The following ZMYND15 variants were observed in gnomAD, a reference collection of about 807,000 sequenced individuals.
The protein encoded by ZMYND15 is zinc finger MYND domain-containing protein 15.
ZMYND15 carries 54 observed loss-of-function variants against 81.7 expected under a neutral mutation model. That is an observed-to-expected ratio of 0.66 (90% CI 0.53 to 0.83). ZMYND15 has a LOEUF of 0.83. ZMYND15 is among the 40% of genes least tolerant of loss of function. The pLI is 0.00. For synonymous variants in ZMYND15, 399 were observed against 387.0 expected (o/e 1.03, Z -0.36); for missense variants, 925 against 973.5 (o/e 0.95, Z 0.66).
At position 4,744,653 on chromosome 17, in the gene ZMYND15, G is replaced by A. The variant is rs1289012395; in HGVS notation, c.1712G>A (p.Gly571Asp). The change falls in exon 11 of 14, where the codon GGT becomes GAT. Residue 571 changes from glycine to aspartate, a missense_variant. By Grantham distance (94) the Gly-to-Asp change is moderately conservative (BLOSUM62 -1). Coordinates refer to ENST00000433935, the MANE Select transcript of ZMYND15 (RefSeq NM_001136046.3). The surrounding 1 kb of genome is among the most constrained non-coding windows in gnomAD (Gnocchi z 4.1). ...AGCCTGGAGGTGTCTGTCCGGCCTG[G>A]TTCCGGCATATCAGCACGGCCCAGC... is the stretch of plus-strand genomic sequence containing the variant. ...RDSLEVSVRPGSGISARPSSG... is the reference protein window; with the variant it reads ...RDSLEVSVRPDSGISARPSSG... 6.2e-7 allele frequency: 1 copy of A among 1,613,248 alleles called. No individual in the cohort carries two copies. Among genetic ancestry groups the A allele is most frequent in the South Asian group, 1.1e-5 (1 of 91,040 alleles).
chr17:4,743,752 C>T lies in ZMYND15; in HGVS notation c.1298-15C>T. On this transcript the variant is annotated splice_polypyrimidine_tract_variant and intron_variant, in intron 6 of 13. Transcript: ENST00000433935. This position sits in a 1 kb window ranked among gnomAD's most constrained non-coding sequence, Gnocchi z 4.3. ...TCTCCCTGACCCCAGGCCCCTCCTT[C>T]TTTCATCCTCTCAGGAGACCCCTAC... 6.2e-7 allele frequency: 1 copy of T among 1,611,278 alleles called. No individual in the cohort carries two copies. The highest frequency in any genetic ancestry group is 8.5e-7 in the Non-Finnish European group (1 of 1,178,768).
rs750731082 is a variant in ZMYND15 at position 4,740,974 on chromosome 17, G to C, written c.426G>C (p.Glu142Asp). The change falls in exon 2 of 14, where the codon GAG becomes GAC. Residue 142 changes from glutamate (E) to aspartate (D), a missense_variant. By Grantham distance (45) the Glu-to-Asp change is conservative (BLOSUM62 2). Coordinates refer to ENST00000433935, the MANE Select transcript of ZMYND15 (RefSeq NM_001136046.3). ...GAGSTEKVEP[E>D]EDRELAPTSR... ...GCAGCACAGAGAAGGTGGAACCAGA[G>C]GAGGACCGGGAGCTAGCCCCTACCA... 6.4e-7 allele frequency: 1 copy of C among 1,564,492 alleles called. No individual in the cohort carries two copies. Among genetic ancestry groups the C allele is most frequent in the African/African-American group, 1.4e-5 (1 of 73,778 alleles).
rs752470020 is a variant in ZMYND15, at chr17:4,741,815, C to T, written c.826C>T (p.Arg276Ter). 6 of 1,573,426 alleles carry T rather than the reference C, an allele frequency of 3.8e-6. No homozygotes were observed. Among genetic ancestry groups the T allele is most frequent in the Non-Finnish European group, 4.3e-6 (5 of 1,158,174 alleles). Residue 276 changes from arginine (R) to a stop codon, truncating the protein, a stop_gained and splice_region_variant, in exon 3 of 14, where the codon CGA becomes TGA. Transcript: ENST00000433935. LOFTEE classifies it high-confidence loss of function. ...TACTGTGGGAGATGCCCGGCTGCATCGGTATAGAAATCTGGTATCTGAGGC... is the reference window on the plus strand; with the variant it reads ...TACTGTGGGAGATGCCCGGCTGCATTGGTATAGAAATCTGGTATCTGAGGC... ...QLTVGDARLHRELESLVPRLG... is the reference protein window; with the variant it reads ...QLTVGDARLH
In ZMYND15 at chr17:4,745,986, A is replaced by G; in HGVS notation, c.2225A>G (p.Lys742Arg). The G allele has an allele frequency of 6.9e-7, 1 of 1,441,794 alleles. No individual in the cohort carries two copies. The highest frequency in any genetic ancestry group is 9.1e-7 in the Non-Finnish European group (1 of 1,102,204). 89.3% of individuals were successfully genotyped at this position (1,441,794 alleles called of 1,614,324 possible). ...CCTGGGCGGGGGGCCCGCCGGCGGA[A>G]ATGAATGCTGATACCCTAGTAGTCC... ...KKPGRGARRR[K>R] The change falls in exon 14 of 14, where the codon AAA becomes AGA. Residue 742 changes from lysine to arginine, a missense_variant. Physicochemically the swap from Lys to Arg is conservative, Grantham distance 26. Transcript: ENST00000433935. This position sits in a 1 kb window ranked among gnomAD's most constrained non-coding sequence, Gnocchi z 5.2.
In ZMYND15 at chr17:4,743,630, A is replaced by C; in HGVS notation, c.1298-137A>C. ...AATCACCCCTACCAACTCCACCCAG[A>C]AACCCCATCCCTATGCAAACCCCCA... On this transcript the variant is annotated intron_variant, in intron 6 of 13. Coordinates refer to ENST00000433935, the MANE Select transcript of ZMYND15 (RefSeq NM_001136046.3). The surrounding 1 kb of genome is among the most constrained non-coding windows in gnomAD (Gnocchi z 4.3). 1 of 1,272,780 alleles carries C rather than the reference A, an allele frequency of 7.9e-7. No individual in the cohort carries two copies. Among genetic ancestry groups the C allele is most frequent in the Non-Finnish European group, 1.1e-6 (1 of 929,458 alleles). 78.8% of individuals were successfully genotyped at this position (1,272,780 alleles called of 1,614,324 possible).
At chr17:4,742,943 G>A (rs1371084891) in intron 5 of ZMYND15, among the ~76,000 whole-genome samples, 3 of 152,176 alleles carry the variant, frequency 2.0e-5, no homozygotes, top group East Asian at 1.9e-4. Flanking sequence ...GGGTCCTCGC[G>A]GGAGGCTAGG....
At position 4,740,999 on chromosome 17, in the gene ZMYND15, A is replaced by G; in HGVS notation, c.451A>G (p.Ser151Gly). The change falls in exon 2 of 14, where the codon AGC becomes GGC. Residue 151 changes from serine (S) to glycine (G), a missense_variant. Coordinates refer to ENST00000433935, the MANE Select transcript of ZMYND15 (RefSeq NM_001136046.3). The stretch of plus-strand genomic sequence containing the variant: ...GGAGGACCGGGAGCTAGCCCCTACC[A>G]GCAGGGAGTCCCCCCAGGAAACAAA... ...PEEDRELAPT[S>G]RESPQETNPP... 6.4e-7 allele frequency: 1 copy of G among 1,557,360 alleles called. No individual in the cohort carries two copies. Among genetic ancestry groups the G allele is most frequent in the African/African-American group, 1.4e-5 (1 of 73,548 alleles).
chr17:4,744,684 C>A lies in ZMYND15; in HGVS notation c.1743C>A (p.Gly581=). The change falls in exon 11 of 14, where the codon GGC becomes GGA. Residue 581 remains glycine, a synonymous_variant. Transcript: ENST00000433935. This position sits in a 1 kb window ranked among gnomAD's most constrained non-coding sequence, Gnocchi z 4.1. ...GSGISARPSS[G]TKEKGGRRDL... ...GCATATCAGCACGGCCCAGCTCTGG[C>A]ACTAAGGAGAAAGGGGGCCGCAGGG... 2 of 1,613,952 alleles carry A rather than the reference C, an allele frequency of 1.2e-6. No individual in the cohort carries two copies. The highest frequency in any genetic ancestry group is 2.7e-5 in the African/African-American group (2 of 75,030).
In ZMYND15 at chr17:4,743,823, C is replaced by T. The variant is rs140123427; in HGVS notation, c.1354C>T (p.Pro452Ser). The T allele has an allele frequency of 6.2e-7, 1 of 1,614,036 alleles. No homozygotes were observed. Among genetic ancestry groups the T allele is most frequent in the Non-Finnish European group, 8.5e-7 (1 of 1,179,988 alleles). ...DGTALMPPVP[P>S]HPPRGVFGSW... ...GACTGCCCTGATGCCTCCTGTGCCC[C>T]CACATCCACCCCGGGGTGTTTTTGG... Residue 452 changes from proline (P) to serine (S), a missense_variant, in exon 7 of 14, where the codon CCA becomes TCA. Pro to Ser is a moderately conservative substitution (Grantham distance 74). Coordinates refer to ENST00000433935, the MANE Select transcript of ZMYND15 (RefSeq NM_001136046.3). The surrounding 1 kb of genome is among the most constrained non-coding windows in gnomAD (Gnocchi z 4.3).
rs1916579293 is a variant in ZMYND15 at position 4,744,553 on chromosome 17, C to T, written c.1684-72C>T. On this transcript the variant is annotated intron_variant, in intron 10 of 13. Coordinates refer to ENST00000433935, the MANE Select transcript of ZMYND15 (RefSeq NM_001136046.3). The surrounding 1 kb of genome is among the most constrained non-coding windows in gnomAD (Gnocchi z 4.1). ...TCCTGCCCTTCTGCCCCCCACTCCC[C>T]ATCTTGCCTGGTGCATCCTCCAGTT... The T allele has an allele frequency of 2.5e-6, 4 of 1,602,346 alleles. No individual in the cohort carries two copies. The highest frequency in any genetic ancestry group is 1.1e-5 in the South Asian group (1 of 90,032).
At position 4,743,834 on chromosome 17, in the gene ZMYND15, C is replaced by T. The variant is rs756843088; in HGVS notation, c.1365C>T (p.Pro455=). ...ALMPPVPPHP[P]RGVFGSWQDY... is the part of the protein sequence containing the mutation. ...TGCCTCCTGTGCCCCCACATCCACC[C>T]CGGGGTGTTTTTGGTGAGCTGGAGG... The change falls in exon 7 of 14, where the codon CCC becomes CCT. Residue 455 remains proline, a synonymous_variant. Coordinates refer to ENST00000433935, the MANE Select transcript of ZMYND15 (RefSeq NM_001136046.3). This position sits in a 1 kb window ranked among gnomAD's most constrained non-coding sequence, Gnocchi z 4.3. 6.2e-7 allele frequency: 1 copy of T among 1,613,996 alleles called. No homozygotes were observed. The highest frequency in any genetic ancestry group is 8.5e-7 in the Non-Finnish European group (1 of 1,179,984).
Position 4,743,626 on chromosome 17 carries a change from C to A in ZMYND15, c.1298-141C>A. On this transcript the variant is annotated intron_variant, in intron 6 of 13. Coordinates refer to ENST00000433935, the MANE Select transcript of ZMYND15 (RefSeq NM_001136046.3). This position sits in a 1 kb window ranked among gnomAD's most constrained non-coding sequence, Gnocchi z 4.3. ...ATGGAATCACCCCTACCAACTCCACCCAGAAACCCCATCCCTATGCAAACC... is the reference window on the plus strand; with the variant it reads ...ATGGAATCACCCCTACCAACTCCACACAGAAACCCCATCCCTATGCAAACC... 7.9e-7 allele frequency: 1 copy of A among 1,265,352 alleles called. No individual in the cohort carries two copies. Among genetic ancestry groups the A allele is most frequent in the East Asian group, 2.5e-5 (1 of 40,706 alleles). The allele number at this position is 1,265,352 out of a possible 1,614,324, so 78.4% of individuals were successfully genotyped here.
Position 4,743,908 on chromosome 17 carries a change from T to C in ZMYND15, c.1378+61T>C, listed in dbSNP as rs1414274267. The C allele has an allele frequency of 1.3e-6, 2 of 1,594,908 alleles. No individual in the cohort carries two copies. The highest frequency in any genetic ancestry group is 1.7e-6 in the Non-Finnish European group (2 of 1,168,368). Reference sequence around the variant, plus strand: ...GGCCAGGGACTGGAGAACCAGAGCCTGGGTGGCTGTGAAGAAGAGGTTTGT... The same window carrying C: ...GGCCAGGGACTGGAGAACCAGAGCCCGGGTGGCTGTGAAGAAGAGGTTTGT... On this transcript the variant is annotated intron_variant, in intron 7 of 13. Transcript: ENST00000433935. The surrounding 1 kb of genome is among the most constrained non-coding windows in gnomAD (Gnocchi z 4.3).
chr17:4,743,352 C>A lies in ZMYND15; in HGVS notation c.1194C>A (p.Gly398=). ...AAGAGGCCTTCCTGGCCTCTCGGGG[C>A]CTCACTCGTGGCTATTGGACCCAGC... The part of the protein sequence containing the change: ...FNKEAFLASR[G]LTRGYWTQLS... Residue 398 remains glycine (G), a synonymous_variant, in exon 6 of 14, where the codon GGC becomes GGA. Transcript: ENST00000433935. This position sits in a 1 kb window ranked among gnomAD's most constrained non-coding sequence, Gnocchi z 4.3. 1 of 1,614,130 alleles carries A rather than the reference C, an allele frequency of 6.2e-7. No homozygotes were observed. The highest frequency in any genetic ancestry group is 8.5e-7 in the Non-Finnish European group (1 of 1,180,020).
In ZMYND15 at chr17:4,744,883, G is replaced by C; in HGVS notation, c.1851G>C (p.Gly617=). 6.2e-7 allele frequency: 1 copy of C among 1,614,124 alleles called. No homozygotes were observed. The highest frequency in any genetic ancestry group is 8.5e-7 in the Non-Finnish European group (1 of 1,180,010). The stretch of plus-strand genomic sequence containing the variant: ...CTCTGTCTGCAGGATTTAACTCCGG[G>C]TTTGCTCTCAAGGATACGTGGCTGA... ...KPDLVIGFNS[G]FALKDTWLRS... is the part of the protein sequence containing the mutation. The change falls in exon 12 of 14, where the codon GGG becomes GGC. Residue 617 remains glycine, a synonymous_variant. Coordinates refer to ENST00000433935, the MANE Select transcript of ZMYND15 (RefSeq NM_001136046.3). The surrounding 1 kb of genome is among the most constrained non-coding windows in gnomAD (Gnocchi z 4.1).
rs1260292978 is a variant in ZMYND15 at position 4,744,537 on chromosome 17, T to C, written c.1683+70T>C. On this transcript the variant is annotated intron_variant, in intron 10 of 13. Coordinates refer to ENST00000433935, the MANE Select transcript of ZMYND15 (RefSeq NM_001136046.3). The surrounding 1 kb of genome is among the most constrained non-coding windows in gnomAD (Gnocchi z 4.1). ...TGACCTCCTGGTTGGGTCCTGCCCT[T>C]CTGCCCCCCACTCCCCATCTTGCCT... 1 of 1,605,308 alleles carries C rather than the reference T, an allele frequency of 6.2e-7. No individual in the cohort carries two copies. Among genetic ancestry groups the C allele is most frequent in the Non-Finnish European group, 8.5e-7 (1 of 1,174,656 alleles).
intron 2 of ZMYND15, 67 bp from the exon 3 acceptor site, chr17:4,741,515 C>G: frequency 6.4e-7 from 1 of 1,570,522 alleles, no homozygotes; most frequent in Non-Finnish European, 8.7e-7. Flanking sequence ...GAGTTTGGTA[C>G]TCCTGACCCT....
chr17:4,744,047 G>A lies in ZMYND15; in HGVS notation c.1435G>A (p.Val479Met), dbSNP rs774647989. The part of the protein sequence containing the change: ...RGLSLDSPIA[V>M]LLTYPLTVYY... ...CCTCAGCTTGGACTCCCCCATAGCC[G>A]TGCTTCTCACCTACCCGCTGACCGT... Residue 479 changes from valine to methionine, a missense_variant, in exon 8 of 14, where the codon GTG becomes ATG. Coordinates refer to ENST00000433935, the MANE Select transcript of ZMYND15 (RefSeq NM_001136046.3). The surrounding 1 kb of genome is among the most constrained non-coding windows in gnomAD (Gnocchi z 4.1). 12 of 1,555,242 alleles carry A rather than the reference G, an allele frequency of 7.7e-6. No individual in the cohort carries two copies. The highest frequency in any genetic ancestry group is 2.4e-5 in the East Asian group (1 of 41,014).
chr17:4,740,725 C>G lies in ZMYND15; in HGVS notation c.177C>G (p.Leu59=), dbSNP rs778011849. The G allele has an allele frequency of 5.0e-6, 8 of 1,611,546 alleles. No homozygotes were observed. The Admixed American group carries it at 8.4e-5, about 17-fold the overall frequency. ...CCCAGGACCCTGCCCTTTGGGTGCTCCATGTCCTGCCCAACCATAGTGTGG... is the reference window on the plus strand; with the variant it reads ...CCCAGGACCCTGCCCTTTGGGTGCTGCATGTCCTGCCCAACCATAGTGTGG... ...RLPQDPALWV[L]HVLPNHSVGI... Residue 59 remains leucine (L), a synonymous_variant, in exon 2 of 14, where the codon CTC becomes CTG. Coordinates refer to ENST00000433935, the MANE Select transcript of ZMYND15 (RefSeq NM_001136046.3).
Sources: gnomAD v4.1 joint callset for allele counts (sites outside exome capture counted in the v4.1 genomes callset) on GRCh38, gnomAD v4.1.1 for gene constraint, Gnocchi (gnomAD v3.1) non-coding constraint, MANE v1.5 for transcripts, NCBI Gene and HGNC (gene_info 2026-07-23, HGNC 2026-07-21) for gene names.